Variants in KIAA1958 observed in about 807,000 individuals in gnomAD.
KIAA1958 encodes the protein KIAA1958, also known as uncharacterized protein KIAA1958.
A neutral mutation model predicts 47.2 loss-of-function variants in KIAA1958; 14 were observed. The observed-to-expected ratio is 0.30, with a 90% confidence interval of 0.20 to 0.46. KIAA1958 has a LOEUF of 0.46. KIAA1958 is among the 20% of genes least tolerant of loss of function. KIAA1958 has a pLI of 1.00. For missense variants in KIAA1958, 803 were observed against 909.2 expected (o/e 0.88, Z 1.50); for synonymous variants, 354 against 353.3 (o/e 1.00, Z -0.02).
At chr9:112,652,174 A>G (rs1341264982) in intron 3 of KIAA1958, among the ~76,000 whole-genome samples, 1 of 151,962 alleles carries the variant, frequency 6.6e-6, no homozygotes, top group African/African-American at 2.4e-5. Flanking sequence ...CCCAGTTTTT[A>G]TTTTATTCTT....
intron 1 of KIAA1958, among the ~76,000 whole-genome samples, chr9:112,513,028 G>A (rs1245321980): frequency 1.5e-5 from 2 of 131,974 alleles, no homozygotes; most frequent in African/African-American, 5.6e-5. Flanking sequence ...TTTTTGAGAT[G>A]GAGTCTTGCT....
At chr9:112,545,827 T>TTTTG (rs1835020677) in intron 1 of KIAA1958, among the ~76,000 whole-genome samples, 1 of 2,080 alleles carries the variant, frequency 4.8e-4, no homozygotes, top group African/African-American at 3.5e-3. Flanking sequence ...GTTTCTTTGT[T>TTTTG]TTTTTTTTTT....
intron 3 of KIAA1958, among the ~76,000 whole-genome samples, chr9:112,652,612 G>GT (rs1407126349): frequency 2.6e-5 from 4 of 151,930 alleles, no homozygotes; most frequent in South Asian, 2.1e-4. Context: ...TTAACCCATT[G>GT]TTTTTTTTGT....
At chr9:112,656,200 C>T (rs184232455) in intron 3 of KIAA1958, among the ~76,000 whole-genome samples, 2 of 151,976 alleles carry the variant, frequency 1.3e-5, no homozygotes, top group Admixed American at 6.6e-5. Flanking sequence ...TGGTGAAACC[C>T]CGTTTCTACT....
intron 1 of KIAA1958, among the ~76,000 whole-genome samples, chr9:112,562,104 G>C (rs79497648): frequency 6.6e-6 from 1 of 152,110 alleles, no homozygotes; most frequent in Non-Finnish European, 1.5e-5. Flanking sequence ...GTATATGTTC[G>C]CTGTCTGGGC....
At chr9:112,581,897 A>T in intron 2 of KIAA1958, 1 of 231,128 alleles carries the variant, frequency 4.3e-6, no homozygotes, top group Non-Finnish European at 9.2e-6. Flanking sequence ...ATCAGACCAG[A>T]CTCAACTCTT....
chr9:112,571,464 C>T (rs1002757963), intron 1 of KIAA1958, among the ~76,000 whole-genome samples: 5 of 152,302 alleles, frequency 3.3e-5, no homozygotes, highest in South Asian at 2.1e-4. Context: ...CGAACCCCTT[C>T]CATTTACGTG....
chr9:112,611,644 C>T (rs1836329876), intron 2 of KIAA1958, among the ~76,000 whole-genome samples: 1 of 152,002 alleles, frequency 6.6e-6, no homozygotes, highest in South Asian at 2.1e-4. Context: ...GATTCCCAAT[C>T]ATAAGTATGT....
chr9:112,533,170 C>T (rs1170879625), intron 1 of KIAA1958, among the ~76,000 whole-genome samples: 2 of 151,974 alleles, frequency 1.3e-5, no homozygotes, highest in Admixed American at 6.6e-5. Context: ...AGTAATGCGT[C>T]AGTGAGTATT....
At chr9:112,524,823 A>G (rs930718895) in intron 1 of KIAA1958, among the ~76,000 whole-genome samples, 2 of 152,216 alleles carry the variant, frequency 1.3e-5, no homozygotes, top group Non-Finnish European at 2.9e-5. Context: ...CAGCCCTGGA[A>G]TCCTGGGGTT....
intron 1 of KIAA1958, among the ~76,000 whole-genome samples, chr9:112,502,897 G>C (rs1834167993): frequency 6.6e-6 from 1 of 152,092 alleles, no homozygotes; most frequent in Non-Finnish European, 1.5e-5. Context: ...GGGAATTATT[G>C]GCTAAATCCT....
At position 112,522,260 on chromosome 9, in the gene KIAA1958, C is replaced by T. The variant is rs540622409; in HGVS notation, c.-25+35142C>T. Among the ~76,000 whole-genome samples, 24 of 152,330 alleles carry T rather than the reference C, an allele frequency of 1.6e-4. 1 individual carries two copies. Among genetic ancestry groups the T allele is most frequent in the South Asian group, 1.5e-3 (7 of 4,824 alleles). On this transcript the variant is annotated intron_variant, in intron 1 of 3. Transcript: ENST00000337530. ...TGCTGGGATTATAGGCGTGAGCCAC[C>T]GTGCCCAGCCACTTAAAGAACTTTT...
At chr9:112,642,194 G>A (rs943453609) in intron 2 of KIAA1958, among the ~76,000 whole-genome samples, 1 of 152,162 alleles carries the variant, frequency 6.6e-6, no homozygotes, top group Non-Finnish European at 1.5e-5. Flanking sequence ...GCAGGCCATG[G>A]CTGAGCACAG....
At chr9:112,612,515 CA>C (rs1836343612) in intron 2 of KIAA1958, among the ~76,000 whole-genome samples, 1 of 151,910 alleles carries the variant, frequency 6.6e-6, no homozygotes. Context: ...GGACAGATGA[CA>C]AAATTCACAG....
intron 2 of KIAA1958, among the ~76,000 whole-genome samples, chr9:112,602,288 C>T (rs547106631): frequency 1.3e-5 from 2 of 152,196 alleles, no homozygotes; most frequent in Admixed American, 6.5e-5. Flanking sequence ...AAATGAAACA[C>T]GAATGTTGGC....
In KIAA1958 at chr9:112,547,942, A is replaced by G. The variant is rs144260606; in HGVS notation, c.-24-26115A>G. 1.1e-3 allele frequency among the ~76,000 whole-genome samples: 163 copies of G among 149,328 alleles called. 6 individuals carry two copies. The East Asian group carries it at 0.031, about 29-fold the overall frequency. On this transcript the variant is annotated intron_variant, in intron 1 of 3. Coordinates refer to ENST00000337530, the MANE Select transcript of KIAA1958 (RefSeq NM_133465.4). The stretch of plus-strand genomic sequence containing the variant: ...CCCAGATACTTTTTTCTTTCTGTTG[A>G]TTCCAGGTCTGTAGATAATAGCTTA...
chr9:112,641,947 G>C (rs74787476), intron 2 of KIAA1958, among the ~76,000 whole-genome samples: 200 of 152,076 alleles, frequency 1.3e-3, no homozygotes, highest in African/African-American at 4.6e-3. Context: ...TTTTGTCTTT[G>C]GTTTTCCAGA....
At chr9:112,524,521 G>A (rs1834607534) in intron 1 of KIAA1958, among the ~76,000 whole-genome samples, 1 of 152,160 alleles carries the variant, frequency 6.6e-6, no homozygotes. Flanking sequence ...CAATTCAGTG[G>A]CATTAAGTTC....
intron 2 of KIAA1958, among the ~76,000 whole-genome samples, chr9:112,614,482 T>C (rs1298864105): frequency 6.6e-6 from 1 of 152,260 alleles, no homozygotes; most frequent in African/African-American, 2.4e-5. Context: ...ATGCAGACAG[T>C]TGTAATAGTT....
Sources: gnomAD v4.1 joint callset for allele counts (sites outside exome capture counted in the v4.1 genomes callset) on GRCh38, gnomAD v4.1.1 for gene constraint, MANE v1.5 for transcripts, NCBI Gene and HGNC (gene_info 2026-07-23, HGNC 2026-07-21) for gene names.